The following SEC23B variants were observed in gnomAD, a reference collection of about 807,000 sequenced individuals.
SEC23B encodes the protein SEC23 homolog B, COPII component.
A neutral mutation model predicts 104.3 loss-of-function variants in SEC23B; 77 were observed. The observed-to-expected ratio is 0.74, with a 90% CI of 0.61 to 0.89. SEC23B has a LOEUF of 0.89. SEC23B is among the 40% of genes least tolerant of loss of function. The pLI is 0.00. For missense variants in SEC23B, 885 were observed against 949.4 expected (o/e 0.93, Z 0.89); for synonymous variants, 338 against 332.5 (o/e 1.02, Z -0.18).
chr20:18,537,302 G>A (rs552484645), intron 12 of SEC23B, among the ~76,000 whole-genome samples: 1 of 152,128 alleles, frequency 6.6e-6, no homozygotes, highest in African/African-American at 2.4e-5. Flanking sequence ...TATGTTTATT[G>A]TGGCTCTATT....
At chr20:18,535,864 T>A in intron 12 of SEC23B, 122 bp downstream of exon 12, 1 of 771,024 alleles carries the variant, frequency 1.3e-6, no homozygotes, top group East Asian at 2.6e-5. Flanking sequence ...GTATTAGGCC[T>A]GATGATAGTC....
intron 1 of SEC23B, chr20:18,509,677 T>TC (rs1162156494): frequency 2.6e-5 from 4 of 152,266 alleles, no homozygotes; most frequent in Admixed American, 6.5e-5. Flanking sequence ...AATCTCTGCC[T>TC]CCCGAGTTCA....
rs1230168638 is a variant in SEC23B at position 18,542,465 on chromosome 20, C to T, written c.1511+63C>T. The T allele has an allele frequency of 1.0e-5, 14 of 1,371,592 alleles. No individual in the cohort carries two copies. The South Asian group carries it at 1.5e-4, about 15-fold the overall frequency. The allele number at this position is 1,371,592 out of a possible 1,614,324, so 85.0% of individuals were successfully genotyped here. On this transcript the variant is annotated intron_variant, in intron 13 of 19. Transcript: ENST00000650089. ...CTGACATTTTTCCCTTGAAGAGATA[C>T]TTTAACATTTGTTAGTTTGTCTTTT... is the stretch of plus-strand genomic sequence containing the variant.
At chr20:18,543,580 TAAATGGGG>T (rs929407481) in intron 14 of SEC23B, among the ~76,000 whole-genome samples, 16 of 152,130 alleles carry the variant, frequency 1.1e-4, no homozygotes, top group Admixed American at 5.2e-4. Context: ...CACTGTAATT[TAAATGGGG>T]AAAGTCTTTT....
In SEC23B at chr20:18,548,586, C is replaced by T. The variant is rs780532315; in HGVS notation, c.1744-23C>T. ...GAAGGTTACAATTATATGCATTTCT[C>T]TTTCCGTTCTTTGTGAATGCAGTTT... On this transcript the variant is annotated intron_variant, in intron 15 of 19. Transcript: ENST00000650089. 3 of 1,611,094 alleles carry T rather than the reference C, an allele frequency of 1.9e-6. No individual in the cohort carries two copies. The East Asian group carries it at 6.7e-5, about 36-fold the overall frequency.
intron 3 of SEC23B, among the ~76,000 whole-genome samples, chr20:18,513,968 T>C (rs776325371): frequency 6.6e-6 from 1 of 152,184 alleles, no homozygotes; most frequent in Non-Finnish European, 1.5e-5. Flanking sequence ...TAGTATAGTA[T>C]ACCTATAGTC....
chr20:18,537,286 C>T (rs2060240757), intron 12 of SEC23B, among the ~76,000 whole-genome samples: 1 of 151,942 alleles, frequency 6.6e-6, no homozygotes, highest in African/African-American at 2.4e-5. Context: ...AAGACACATG[C>T]ACACGTATGT....
intron 4 of SEC23B, among the ~76,000 whole-genome samples, chr20:18,522,696 C>T (rs1600237473): frequency 1.3e-5 from 1 of 76,122 alleles, no homozygotes; most frequent in South Asian, 5.1e-4. Flanking sequence ...GTGTGAGCAA[C>T]AAGCTGTTAT....
Position 18,561,191 on chromosome 20 carries a change from ATAAT to A in SEC23B, c.*455_*458del, listed in dbSNP as rs1439681894. 1 of 212,976 alleles carries A rather than the reference ATAAT, an allele frequency of 4.7e-6. No homozygotes were observed. Among genetic ancestry groups the A allele is most frequent in the Non-Finnish European group, 9.5e-6 (1 of 104,894 alleles). 13.2% of individuals were successfully genotyped at this position (212,976 alleles called of 1,614,324 possible). A position where few individuals can be genotyped will look rare whatever the true frequency, so the allele number is the denominator to read the frequency against. The stretch of plus-strand genomic sequence containing the variant: ...GAGGTGTTTCCTGAACCTAATTCTC[ATAAT>A]TAAAGTAATGTATATGCAGGATCAA... On this transcript the variant is annotated 3_prime_UTR_variant, in exon 20 of 20. Transcript: ENST00000650089.
intron 10 of SEC23B, among the ~76,000 whole-genome samples, chr20:18,532,296 C>T (rs1381813967): frequency 6.6e-6 from 1 of 152,170 alleles, no homozygotes; most frequent in Admixed American, 6.5e-5. Context: ...AGTATGTTCT[C>T]TGATTAGGTA....
chr20:18,545,905 C>A (rs2060327233), intron 14 of SEC23B, 51 bp from the exon 15 acceptor site: 2 of 1,074,034 alleles, frequency 1.9e-6, no homozygotes, highest in South Asian at 1.2e-5. Context: ...TTAGATTTTT[C>A]TCTCTCTTTT....
intron 3 of SEC23B, among the ~76,000 whole-genome samples, chr20:18,514,200 C>G (rs1050568952): frequency 6.6e-6 from 1 of 152,166 alleles, no homozygotes; most frequent in African/African-American, 2.4e-5. Context: ...TTTTCTAGCT[C>G]TAAATGAATG....
At chr20:18,520,769 C>G (rs144760192) in intron 4 of SEC23B, among the ~76,000 whole-genome samples, 1 of 151,894 alleles carries the variant, frequency 6.6e-6, no homozygotes, top group East Asian at 1.9e-4. Context: ...ATTAAGAAGG[C>G]GACGGACTTA....
chr20:18,552,442 G>C (rs1053017688), intron 17 of SEC23B, among the ~76,000 whole-genome samples: 1 of 152,042 alleles, frequency 6.6e-6, no homozygotes, highest in Non-Finnish European at 1.5e-5. Context: ...CTGTATCCAC[G>C]GGTTCCACCT....
chr20:18,508,193 G>A (rs17807467), intron 1 of SEC23B: 1 of 152,244 alleles, frequency 6.6e-6, no homozygotes, highest in Non-Finnish European at 1.5e-5. Flanking sequence ...GAATTGCGGA[G>A]TGCGCACACC....
intron 9 of SEC23B, 35 bp from the exon 10 acceptor site, chr20:18,530,645 C>T: frequency 6.2e-7 from 1 of 1,610,276 alleles, no homozygotes; most frequent in Non-Finnish European, 8.5e-7. Context: ...TTTCAATCTT[C>T]CTAATATTCA....
chr20:18,512,006 T>C (rs1390562489), intron 2 of SEC23B, among the ~76,000 whole-genome samples: 2 of 152,232 alleles, frequency 1.3e-5, no homozygotes, highest in Non-Finnish European at 2.9e-5. Flanking sequence ...TTAGTATTTC[T>C]TCACTGTGGC....
intron 4 of SEC23B, among the ~76,000 whole-genome samples, chr20:18,517,872 G>A (rs185474114): frequency 7.4e-4 from 112 of 152,338 alleles, no homozygotes; most frequent in Non-Finnish European, 8.7e-4. Flanking sequence ...GAGAAAAACA[G>A]GTATTAGAGG....
chr20:18,558,288 G>A (rs936543005), intron 19 of SEC23B, among the ~76,000 whole-genome samples: 1 of 152,116 alleles, frequency 6.6e-6, no homozygotes, highest in Non-Finnish European at 1.5e-5. Context: ...TAGAGAAGGT[G>A]TCATTTTCCT....
Sources: gnomAD v4.1 joint callset for allele counts (sites outside exome capture counted in the v4.1 genomes callset) on GRCh38, gnomAD v4.1.1 for gene constraint, MANE v1.5 for transcripts, NCBI Gene and HGNC (gene_info 2026-07-23, HGNC 2026-07-21) for gene names.